The following FBXO6 variants were observed in gnomAD, a reference collection of about 807,000 sequenced individuals.
The protein encoded by FBXO6 is F-box protein 6.
In FBXO6, 13 loss-of-function variants were observed where a neutral mutation model predicts 25.0. The ratio of observed to expected loss-of-function variants is 0.52; its 90% CI spans 0.34 to 0.83. The LOEUF (loss-of-function observed/expected upper bound fraction) is 0.83. FBXO6 is among the 40% of genes least tolerant of loss of function. The pLI, the probability that FBXO6 is intolerant of heterozygous loss-of-function variation, is 0.02. For missense variants in FBXO6, 370 were observed against 380.2 expected (o/e 0.97, Z 0.22); for synonymous variants, 138 against 155.3 (o/e 0.89, Z 0.83).
Position 11,671,999 on chromosome 1 carries a change from G to T in FBXO6, c.485G>T (p.Arg162Leu). The stretch of plus-strand genomic sequence containing the variant: ...TGGGAGGAGCTACTAGACACATTCC[G>T]GCCGGACATCGTGGTTAAGGACTGG... The part of the protein sequence containing the change: ...GYWEELLDTF[R>L]PDIVVKDWFA... The change falls in exon 4 of 6, where the codon CGG becomes CTG. Residue 162 changes from arginine to leucine, a missense_variant. Coordinates refer to ENST00000376753, the MANE Select transcript of FBXO6 (RefSeq NM_018438.6). 6.2e-7 allele frequency: 1 copy of T among 1,614,150 alleles called. No individual in the cohort carries two copies. Among genetic ancestry groups the T allele is most frequent in the Non-Finnish European group, 8.5e-7 (1 of 1,180,010 alleles).
intron 2 of FBXO6, among the ~76,000 whole-genome samples, chr1:11,669,666 G>GTATATATATGTATATA (rs1161301136): frequency 2.6e-4 from 27 of 105,008 alleles, no homozygotes; most frequent in African/African-American, 8.9e-4. Context: ...ATATACACAT[G>GTATATATATGTATATA]TATATATGTA....
intron 2 of FBXO6, among the ~76,000 whole-genome samples, chr1:11,670,588 A>G (rs1640587346): frequency 6.8e-6 from 1 of 147,290 alleles, no homozygotes; most frequent in South Asian, 2.3e-4. Context: ...CTGTGTTGGG[A>G]TGAACACGTT....
chr1:11,668,989 C>A, intron 2 of FBXO6, 45 bp downstream of exon 2: 2 of 1,601,076 alleles, frequency 1.2e-6, no homozygotes, highest in African/African-American at 2.7e-5. Context: ...CTCGTTCCTT[C>A]TCATCCTTGG....
chr1:11,665,042 C>CATTT (rs1553166525), intron 1 of FBXO6, among the ~76,000 whole-genome samples: 2,495 of 150,662 alleles, frequency 0.017, 22 homozygotes, highest in African/African-American at 0.02. Context: ...AAGCTGCCAG[C>CATTT]ATTTATTTAT....
At chr1:11,669,663 C>CGTGTATATAT (rs1553167064) in intron 2 of FBXO6, among the ~76,000 whole-genome samples, 1 of 124,624 alleles carries the variant, frequency 8.0e-6, no homozygotes, top group African/African-American at 3.4e-5. Flanking sequence ...TACATATACA[C>CGTGTATATAT]ATGTATATAT....
Position 11,671,926 on chromosome 1 carries a change from A to G in FBXO6, c.414-2A>G. ...ATGCAAGCCCCCAACTCTGCTCCCC[A>G]GAATGTGCCTCAAGTCCCAGCTGGT... On this transcript the variant is annotated splice_acceptor_variant, in intron 3 of 5. Coordinates refer to ENST00000376753, the MANE Select transcript of FBXO6 (RefSeq NM_018438.6). LOFTEE classifies it high-confidence loss of function. 6.2e-7 allele frequency: 1 copy of G among 1,613,936 alleles called. No individual in the cohort carries two copies. Among genetic ancestry groups the G allele is most frequent in the Non-Finnish European group, 8.5e-7 (1 of 1,179,792 alleles).
At chr1:11,664,474 C>T (rs1640340547) in intron 1 of FBXO6, 1 of 133,114 alleles carries the variant, frequency 7.5e-6, no homozygotes, top group Admixed American at 8.2e-5. Flanking sequence ...CCGGGGTCTC[C>T]GGCGCCTGGG....
chr1:11,665,335 C>T lies in FBXO6; in HGVS notation c.-4+1080C>T, dbSNP rs558699127. 3.4e-5 allele frequency among the ~76,000 whole-genome samples: 5 copies of T among 148,822 alleles called. No individual in the cohort carries two copies. The East Asian group carries it at 9.9e-4, about 29-fold the overall frequency. On this transcript the variant is annotated intron_variant, in intron 1 of 5. Coordinates refer to ENST00000376753, the MANE Select transcript of FBXO6 (RefSeq NM_018438.6). ...CGCCTCCCGGGTTCAGGCCGTCCTCCTGCCTCAGCCTCCCGAGTAGCTGGG... is the reference window on the plus strand; with the variant it reads ...CGCCTCCCGGGTTCAGGCCGTCCTCTTGCCTCAGCCTCCCGAGTAGCTGGG...
chr1:11,665,885 TCTCA>T, intron 1 of FBXO6, among the ~76,000 whole-genome samples: 1 of 151,978 alleles, frequency 6.6e-6, no homozygotes, highest in Non-Finnish European at 1.5e-5. Flanking sequence ...AGAGACAGAG[TCTCA>T]CTATGTTGCC....
chr1:11,673,194 T>C lies in FBXO6; in HGVS notation c.510-83T>C. On this transcript the variant is annotated intron_variant, in intron 4 of 5. Transcript: ENST00000376753. This position sits in a 1 kb window ranked among gnomAD's most constrained non-coding sequence, Gnocchi z 4.3. ...GCTGATGGGAGATGAAGCTCCGAGC[T>C]CCAATGTATAGGTCCCACCTGCCCC... 1.0e-5 allele frequency: 15 copies of C among 1,479,916 alleles called. No homozygotes were observed. Among genetic ancestry groups the C allele is most frequent in the Non-Finnish European group, 1.3e-5 (14 of 1,110,132 alleles). The allele number at this position is 1,479,916 out of a possible 1,614,324, so 91.7% of individuals were successfully genotyped here. A position where few individuals can be genotyped will look rare whatever the true frequency, so the allele number is the denominator to read the frequency against.
rs749944680 is a variant in FBXO6 at position 11,668,901 on chromosome 1, AC to A, written c.244del (p.Arg82GlyfsTer68). Reference protein sequence around the residue: ...VADWKIFYFLRSLHRNLLRNP... With the variant: ...VADWKIFYFLXSLHRNLLRNP... ...CCGACTGGAAAATCTTCTACTTCCTACGGAGCCTGCATAGGAACCTCCTGCG... is the reference window on the plus strand; with the variant it reads ...CCGACTGGAAAATCTTCTACTTCCTAGGAGCCTGCATAGGAACCTCCTGCG... On this transcript the variant is annotated frameshift_variant, in exon 2 of 6. Coordinates refer to ENST00000376753, the MANE Select transcript of FBXO6 (RefSeq NM_018438.6). LOFTEE classifies it high-confidence loss of function. The A allele has an allele frequency of 6.2e-7, 1 of 1,614,046 alleles. No homozygotes were observed. The highest frequency in any genetic ancestry group is 8.5e-7 in the Non-Finnish European group (1 of 1,179,996).
intron 2 of FBXO6, among the ~76,000 whole-genome samples, chr1:11,669,372 G>A (rs921282717): frequency 6.6e-6 from 1 of 151,962 alleles, no homozygotes; most frequent in East Asian, 1.9e-4. Flanking sequence ...GCTGAGGCAG[G>A]AGAATCACTT....
chr1:11,666,362 G>T (rs918264867), intron 1 of FBXO6, among the ~76,000 whole-genome samples: 8 of 150,548 alleles, frequency 5.3e-5, no homozygotes, highest in East Asian at 2.0e-4. Flanking sequence ...TGTTGCCAAG[G>T]TTGCAAAGCC....
intron 1 of FBXO6, among the ~76,000 whole-genome samples, chr1:11,664,892 G>A (rs537244924): frequency 1.4e-3 from 215 of 152,250 alleles, no homozygotes; most frequent in African/African-American, 4.9e-3. Flanking sequence ...GGGCCGGGGG[G>A]GGGAAGGGGC....
chr1:11,665,770 A>C (rs932250567), intron 1 of FBXO6, among the ~76,000 whole-genome samples: 1 of 151,430 alleles, frequency 6.6e-6, no homozygotes, highest in Non-Finnish European at 1.5e-5. Context: ...CATATTGGCC[A>C]GGCTGGTCTC....
At chr1:11,670,638 A>AAG (rs1557673650) in intron 2 of FBXO6, among the ~76,000 whole-genome samples, 1 of 134,894 alleles carries the variant, frequency 7.4e-6, no homozygotes, top group African/African-American at 2.7e-5. Flanking sequence ...TAAAAAAAAA[A>AAG]GGGGGGGGGG....
chr1:11,673,938 C>T lies in FBXO6; in HGVS notation c.*87C>T, dbSNP rs28924119. ...GTGGGCAGTGAGGTCCCTGTACCAG[C>T]GACTCCTGCCCCGGTTCAACCCTAC... On this transcript the variant is annotated 3_prime_UTR_variant, in exon 6 of 6. Coordinates refer to ENST00000376753, the MANE Select transcript of FBXO6 (RefSeq NM_018438.6). The surrounding 1 kb of genome is among the most constrained non-coding windows in gnomAD (Gnocchi z 4.3). 3,168 of 1,143,564 alleles carry T rather than the reference C, an allele frequency of 2.8e-3. 60 individuals carry two copies. The African/African-American group carries it at 0.043, about 15-fold the overall frequency. The allele number at this position is 1,143,564 out of a possible 1,614,324, so 70.8% of individuals were successfully genotyped here. A position where few individuals can be genotyped will look rare whatever the true frequency, so the allele number is the denominator to read the frequency against.
At chr1:11,670,562 G>A (rs1640586666) in intron 2 of FBXO6, among the ~76,000 whole-genome samples, 1 of 151,408 alleles carries the variant, frequency 6.6e-6, no homozygotes, top group Admixed American at 6.6e-5. Flanking sequence ...GATGCCATCT[G>A]GGTCAAGTAA....
chr1:11,669,994 C>T (rs1297260841), intron 2 of FBXO6, among the ~76,000 whole-genome samples: 10 of 145,974 alleles, frequency 6.9e-5, no homozygotes, highest in Admixed American at 3.4e-4. Context: ...GGGCGGATGA[C>T]GAGGTCAGGA....
Sources: gnomAD v4.1 joint callset for allele counts (sites outside exome capture counted in the v4.1 genomes callset) on GRCh38, gnomAD v4.1.1 for gene constraint, Gnocchi (gnomAD v3.1) non-coding constraint, MANE v1.5 for transcripts, NCBI Gene and HGNC (gene_info 2026-07-23, HGNC 2026-07-21) for gene names.